ADGRD2: variants seen among roughly 807,000 people sequenced by gnomAD.
ADGRD2 encodes adhesion G protein-coupled receptor D2.
Under a neutral mutation model 44.4 loss-of-function variants are expected in ADGRD2, and 71 were observed. That is an observed-to-expected ratio of 1.60 (90% CI 1.32 to 1.95). ADGRD2 has a LOEUF of 1.95. Ranked by LOEUF, ADGRD2 falls within the 30% of genes most tolerant of loss-of-function variation. The pLI is 0.00. For missense variants in ADGRD2, 1,039 were observed against 512.4 expected (o/e 2.03, Z -9.92); for synonymous variants, 481 against 224.8 (o/e 2.14, Z -10.19).
chr9:124,460,388 A>ATATTT (rs33991643), intron 10 of ADGRD2, among the ~76,000 whole-genome samples: 1,584 of 145,204 alleles, frequency 0.011, 15 homozygotes, highest in African/African-American at 0.022. Context: ...ATATATATAT[A>ATATTT]TTTTTTTTTA....
At chr9:124,466,436 G>A (rs1831826580) in intron 11 of ADGRD2, 23 bp downstream of exon 14, 1 of 663,174 alleles carries the variant, frequency 1.5e-6, no homozygotes, top group East Asian at 2.8e-5. Flanking sequence ...TGGGAGGGGG[G>A]TGTCAGGAGG....
At chr9:124,462,561 G>A (rs1414410133) in intron 10 of ADGRD2, among the ~76,000 whole-genome samples, 1 of 152,014 alleles carries the variant, frequency 6.6e-6, no homozygotes, top group Non-Finnish European at 1.5e-5. Context: ...TTTATTTAGG[G>A]TTTTTACATT....
At chr9:124,478,366 G>A (rs1832087386) in exon 22 of ADGRD2, 1 of 152,546 alleles carries the variant, frequency 6.6e-6, no homozygotes, top group African/African-American at 2.4e-5. Context: ...ACGGCGCAGC[G>A]GGAGTCCCTG....
intron 10 of ADGRD2, among the ~76,000 whole-genome samples, chr9:124,460,386 A>ATTTTTT (rs556356103): frequency 3.7e-5 from 3 of 81,808 alleles, no homozygotes; most frequent in South Asian, 7.4e-4. Context: ...ATATATATAT[A>ATTTTTT]TATTTTTTTT....
chr9:124,458,325 C>A, intron 9 of ADGRD2, 89 bp downstream of exon 12: 1 of 679,590 alleles, frequency 1.5e-6, no homozygotes, highest in Middle Eastern at 3.2e-4. Flanking sequence ...CGCATGTGTC[C>A]TTAGCAGCCC....
intron 10 of ADGRD2, among the ~76,000 whole-genome samples, chr9:124,464,020 T>G (rs1399018692): frequency 1.3e-5 from 2 of 151,910 alleles, no homozygotes; most frequent in Non-Finnish European, 2.9e-5. Context: ...TTTTGTATTT[T>G]TCAGAGATAG....
At chr9:124,457,534 C>G in exon 8 of ADGRD2, 2 of 688,738 alleles carry the variant, frequency 2.9e-6, no homozygotes, top group Non-Finnish European at 5.3e-6. Context: ...ATTCACAATG[C>G]CTGGTGGGCG....
chr9:124,477,392 G>C (rs899288446), intron 21 of ADGRD2, among the ~76,000 whole-genome samples: 2 of 152,248 alleles, frequency 1.3e-5, no homozygotes, highest in African/African-American at 4.8e-5. Context: ...ACTGTTTCCA[G>C]CGAAGGCAAG....
At chr9:124,462,898 T>C (rs1002721628) in intron 10 of ADGRD2, among the ~76,000 whole-genome samples, 8 of 148,908 alleles carry the variant, frequency 5.4e-5, no homozygotes, top group Non-Finnish European at 1.2e-4. Context: ...TTCCTTCCTT[T>C]CTTCCTTCCT....
intron 17 of ADGRD2, among the ~76,000 whole-genome samples, chr9:124,473,421 A>C (rs1831988527): frequency 6.6e-6 from 1 of 152,146 alleles, no homozygotes; most frequent in African/African-American, 2.4e-5. Flanking sequence ...CTCCGTTTCT[A>C]CGTCTAACCA....
chr9:124,470,381 G>C, intron 16 of ADGRD2, 113 bp from the exon 20 acceptor site: 3 of 609,948 alleles, frequency 4.9e-6, no homozygotes, highest in East Asian at 2.8e-5. Flanking sequence ...CCATGGTCCC[G>C]GCCCTCAGCT....
chr9:124,469,369 C>T lies in ADGRD2; in HGVS notation c.2521+14C>T, dbSNP rs1178794138. On this transcript the variant is annotated intron_variant, in intron 15 of 21. Transcript: ENST00000334810. ...TTCGTGCTGACTGTGAGCTGGGGACCTGCAGGGGAGGGGCGTGTTGGGGAT... is the reference window on the plus strand; with the variant it reads ...TTCGTGCTGACTGTGAGCTGGGGACTTGCAGGGGAGGGGCGTGTTGGGGAT... The T allele has an allele frequency of 9.7e-6, 7 of 718,330 alleles. No homozygotes were observed. The highest frequency in any genetic ancestry group is 1.8e-5 in the Non-Finnish European group (7 of 385,082). 44.5% of individuals were successfully genotyped at this position (718,330 alleles called of 1,614,324 possible). A position where few individuals can be genotyped will look rare whatever the true frequency, so the allele number is the denominator to read the frequency against.
chr9:124,456,453 A>G (rs1182074850), intron 6 of ADGRD2, among the ~76,000 whole-genome samples, 169 bp from the exon 10 acceptor site: 1 of 152,178 alleles, frequency 6.6e-6, no homozygotes. Context: ...AGGGCTTCAA[A>G]TGTCAACCTG....
chr9:124,470,113 G>T (rs917419035), intron 16 of ADGRD2, among the ~76,000 whole-genome samples: 24 of 152,158 alleles, frequency 1.6e-4, no homozygotes, highest in Non-Finnish European at 2.9e-4. Context: ...CTGGGAGGGG[G>T]TCCCTGAAAA....
intron 17 of ADGRD2, among the ~76,000 whole-genome samples, chr9:124,472,856 A>T (rs1194166472): frequency 6.6e-6 from 1 of 152,126 alleles, no homozygotes; most frequent in African/African-American, 2.4e-5. Context: ...CCTGTGCATG[A>T]CACTCTCTTG....
chr9:124,452,095 G>A, exon 1 of ADGRD2: 1 of 677,196 alleles, frequency 1.5e-6, no homozygotes, highest in East Asian at 2.9e-5. Flanking sequence ...TCCCAGATCA[G>A]GAGTCTCTCT....
Position 124,454,590 on chromosome 9 carries a change from T to C in ADGRD2, c.1108+21T>C. 1.4e-6 allele frequency: 1 copy of C among 711,730 alleles called. No homozygotes were observed. Among genetic ancestry groups the C allele is most frequent in the Non-Finnish European group, 2.6e-6 (1 of 380,828 alleles). 44.1% of individuals were successfully genotyped at this position (711,730 alleles called of 1,614,324 possible). On this transcript the variant is annotated intron_variant, in intron 5 of 21. Coordinates refer to ENST00000334810, the Ensembl canonical transcript of ADGRD2. This position sits in a 1 kb window ranked among gnomAD's most constrained non-coding sequence, Gnocchi z 4.5. ...TTGTGGTGAGCTCCCTCTCAGGGGC[T>C]GGAAAGCCTGGGGGCTCCATGGGTC...
chr9:124,476,868 G>C lies in ADGRD2; in HGVS notation c.*18+159G>C, dbSNP rs745917956. 1.1e-4 allele frequency: 74 copies of C among 696,304 alleles called. 1 individual carries two copies. Among genetic ancestry groups the C allele is most frequent in the Non-Finnish European group, 1.4e-4 (52 of 380,838 alleles). 43.1% of individuals were successfully genotyped at this position (696,304 alleles called of 1,614,324 possible). On this transcript the variant is annotated intron_variant, in intron 21 of 21. Coordinates refer to ENST00000334810, the Ensembl canonical transcript of ADGRD2. ...CTCCACAGGTCCCCTGGGAGCACTG[G>C]GGGCCTGGCGGGGACCAGGCAGTAC...
At chr9:124,451,597 T>G, upstream of ADGRD2, 1 of 279,988 alleles carries the variant, frequency 3.6e-6, no homozygotes, top group Non-Finnish European at 7.0e-6. Flanking sequence ...TCCTGCGACT[T>G]TTTTTTCCTC....
Sources: gnomAD v4.1 joint callset for allele counts (sites outside exome capture counted in the v4.1 genomes callset) on GRCh38, gnomAD v4.1.1 for gene constraint, Gnocchi (gnomAD v3.1) non-coding constraint, MANE v1.5 for transcripts, NCBI Gene and HGNC (gene_info 2026-07-23, HGNC 2026-07-21) for gene names.